Variants in CLPTM1 observed in about 807,000 individuals in gnomAD.
CLPTM1 encodes the protein CLPTM1 regulator of GABA type A receptor forward trafficking, also known as putative lipid scramblase CLPTM1.
Under a neutral mutation model 77.3 loss-of-function variants are expected in CLPTM1, and 21 were observed. The ratio of observed to expected loss-of-function variants is 0.27; its 90% CI spans 0.19 to 0.39. The LOEUF (loss-of-function observed/expected upper bound fraction) is 0.39. Ranked by LOEUF, CLPTM1 falls within the 10% of genes least tolerant of loss-of-function variation. The pLI is 1.00. For missense variants in CLPTM1, 642 were observed against 921.2 expected, an observed-to-expected ratio of 0.70 and a Z score of 3.92; for synonymous variants, 373 against 381.0, an observed-to-expected ratio of 0.98 and a Z score of 0.24.
intron 2 of CLPTM1, among the ~76,000 whole-genome samples, chr19:44,968,000 C>T (rs961335747): frequency 1.4e-4 from 21 of 152,130 alleles, no homozygotes; most frequent in African/African-American, 5.1e-4. Context: ...TTATCTTTCC[C>T]TTCATTTTTA....
intron 5 of CLPTM1, among the ~76,000 whole-genome samples, chr19:44,983,802 A>G (rs1323954194): frequency 6.6e-6 from 1 of 151,760 alleles, no homozygotes; most frequent in Non-Finnish European, 1.5e-5. Context: ...CTTTACTAAA[A>G]ATACAAAAAA....
At chr19:44,979,469 T>G (rs550015576) in intron 5 of CLPTM1, among the ~76,000 whole-genome samples, 1 of 152,328 alleles carries the variant, frequency 6.6e-6, no homozygotes, top group South Asian at 2.1e-4. Context: ...AGACATTCCC[T>G]GTGGATTTGG....
intron 2 of CLPTM1, 111 bp downstream of exon 2, chr19:44,962,186 G>T: frequency 2.0e-6 from 1 of 499,772 alleles, no homozygotes; most frequent in African/African-American, 2.0e-5. Flanking sequence ...GTATGGTAGA[G>T]TTGCTTTTTT....
intron 1 of CLPTM1, among the ~76,000 whole-genome samples, chr19:44,960,697 G>A (rs1470813173): frequency 6.6e-6 from 1 of 152,220 alleles, no homozygotes; most frequent in Non-Finnish European, 1.5e-5. Context: ...GAGTGGACTA[G>A]GGGCTGTGGA....
rs1971083688 is a variant in CLPTM1, at chr19:44,991,997, C to T, written c.1556-236C>T. Among the ~76,000 whole-genome samples the T allele has an allele frequency of 1.3e-5, 2 of 152,066 alleles. No homozygotes were observed. The highest frequency in any genetic ancestry group is 1.3e-4 in the Admixed American group (2 of 15,264). On this transcript the variant is annotated intron_variant, in intron 12 of 13. Coordinates refer to ENST00000337392, the MANE Select transcript of CLPTM1 (RefSeq NM_001294.4). The surrounding 1 kb of genome is among the most constrained non-coding windows in gnomAD (Gnocchi z 5.4). ...TGCACATTAATAGGGGTCCGGGGGC[C>T]CCTCTGAGGACAGGACATTTAAACA...
In CLPTM1 at chr19:44,982,737, C is replaced by T. The variant is rs115183412; in HGVS notation, c.587-2481C>T. Among the ~76,000 whole-genome samples the T allele has an allele frequency of 4.6e-3, 705 of 152,274 alleles. 6 individuals are homozygous for T. Among genetic ancestry groups the T allele is most frequent in the African/African-American group, 0.015 (619 of 41,558 alleles). On this transcript the variant is annotated intron_variant, in intron 5 of 13. Transcript: ENST00000337392. ...GAGTGTTGGTTTCTCCCCCTGGACA[C>T]AGGAGGAAGATCCCCAATGATTTAA... is the stretch of plus-strand genomic sequence containing the variant.
At chr19:44,986,314 C>A in intron 6 of CLPTM1, 141 bp from the exon 7 acceptor site, 2 of 1,105,894 alleles carry the variant, frequency 1.8e-6, no homozygotes, top group Non-Finnish European at 2.6e-6. Context: ...GCTTGGGCAG[C>A]ATAGTGAGAC....
At chr19:44,966,550 G>A (rs73939906) in intron 2 of CLPTM1, among the ~76,000 whole-genome samples, 2,238 of 152,282 alleles carry the variant, frequency 0.015, 61 homozygotes, top group African/African-American at 0.048. Flanking sequence ...GGGGCAGGTA[G>A]TGTCAGATAG....
intron 2 of CLPTM1, among the ~76,000 whole-genome samples, chr19:44,965,426 A>G (rs1970611815): frequency 6.6e-6 from 1 of 151,862 alleles, no homozygotes; most frequent in Non-Finnish European, 1.5e-5. Context: ...TGAACCTGGG[A>G]GGTAGAGGTT....
chr19:44,980,198 A>T (rs529862078), intron 5 of CLPTM1, among the ~76,000 whole-genome samples: 43 of 152,230 alleles, frequency 2.8e-4, no homozygotes, highest in Non-Finnish European at 4.7e-4. Flanking sequence ...AGGGTGAAGG[A>T]GAGTGTGAGT....
At chr19:44,986,796 G>T (rs1003226165) in intron 7 of CLPTM1, 15 of 567,488 alleles carry the variant, frequency 2.6e-5, no homozygotes, top group African/African-American at 3.7e-5. Context: ...GCATCGGTCC[G>T]CAATCAAGTG....
chr19:44,961,073 C>G (rs549366254), intron 1 of CLPTM1, among the ~76,000 whole-genome samples: 3 of 152,298 alleles, frequency 2.0e-5, no homozygotes, highest in Admixed American at 6.5e-5. Context: ...TGCCTGCCCC[C>G]CTTCCCTTCT....
intron 6 of CLPTM1, 33 bp from the exon 7 acceptor site, chr19:44,986,422 G>T: frequency 1.2e-6 from 2 of 1,604,822 alleles, no homozygotes; most frequent in Non-Finnish European, 8.5e-7. Context: ...ACTTCCACCT[G>T]CCTCTGAGGT....
chr19:44,966,139 C>T (rs960325426), intron 2 of CLPTM1, among the ~76,000 whole-genome samples: 1 of 152,096 alleles, frequency 6.6e-6, no homozygotes, highest in African/African-American at 2.4e-5. Flanking sequence ...GGGCCGGGCG[C>T]GGTGGCTCAC....
intron 2 of CLPTM1, among the ~76,000 whole-genome samples, chr19:44,972,219 C>T (rs529281615): frequency 6.6e-6 from 1 of 151,132 alleles, no homozygotes; most frequent in East Asian, 1.9e-4. Context: ...CTAGAGTTGC[C>T]GTGTTTTGCT....
chr19:44,990,481 C>G lies in CLPTM1; in HGVS notation c.1219C>G (p.Leu407Val), dbSNP rs1447867400. The change falls in exon 10 of 14, where the codon CTC becomes GTC. Residue 407 changes from leucine to valine, a missense_variant. Leu to Val is a conservative substitution (Grantham distance 32). Transcript: ENST00000337392. The surrounding 1 kb of genome is among the most constrained non-coding windows in gnomAD (Gnocchi z 4.8). ...FFGVFQSFVV[L>V]LYILDNETNF... ...CGGCGTTTTCCAGTCATTCGTGGTC[C>G]TCCTCTACATCCTGGACAACGAGAC... is the stretch of plus-strand genomic sequence containing the variant. 2.5e-6 allele frequency: 4 copies of G among 1,613,992 alleles called. No individual in the cohort carries two copies. The highest frequency in any genetic ancestry group is 1.3e-5 in the African/African-American group (1 of 74,920).
chr19:44,954,817 C>T, upstream of CLPTM1: 2 of 1,225,380 alleles, frequency 1.6e-6, no homozygotes, highest in Non-Finnish European at 2.2e-6. Context: ...GGAATTGGAA[C>T]TCTAAAAACA....
intron 2 of CLPTM1, among the ~76,000 whole-genome samples, chr19:44,968,256 G>A (rs749135776): frequency 7.2e-5 from 11 of 152,064 alleles, no homozygotes; most frequent in Non-Finnish European, 1.6e-4. Context: ...TGTTTTCAGG[G>A]GCCCATGAAC....
intron 2 of CLPTM1, among the ~76,000 whole-genome samples, chr19:44,969,381 G>T (rs552447435): frequency 6.6e-6 from 1 of 152,160 alleles, no homozygotes; most frequent in East Asian, 1.9e-4. Flanking sequence ...TCTGCTGTAT[G>T]GTTATCATAC....
Sources: allele counts gnomAD v4.1 joint callset (sites outside exome capture counted in the v4.1 genomes callset), GRCh38; gene constraint gnomAD v4.1.1; non-coding constraint Gnocchi (gnomAD v3.1); transcripts MANE v1.5; gene names NCBI Gene and HGNC (gene_info 2026-07-23, HGNC 2026-07-21).